Variants in PDE11A observed in about 807,000 individuals in gnomAD.
The protein encoded by PDE11A is dual 3',5'-cyclic-AMP and -GMP phosphodiesterase 11A.
Under a neutral mutation model 100.5 loss-of-function variants are expected in PDE11A, and 100 were observed. That is an observed-to-expected ratio of 1.00 (90% CI 0.85 to 1.18). The LOEUF is 1.18. Among genes scored for constraint, PDE11A ranks in the 50% most tolerant of loss-of-function variants. PDE11A has a pLI of 0.00. For synonymous variants in PDE11A, 381 were observed against 420.8 expected, an observed-to-expected ratio of 0.91 and a Z score of 1.16; for missense variants, 1,141 against 1,152.6, an observed-to-expected ratio of 0.99 and a Z score of 0.15.
chr2:178,044,094 G>A (rs1454898499), intron 1 of PDE11A, among the ~76,000 whole-genome samples: 1 of 152,020 alleles, frequency 6.6e-6, no homozygotes, highest in Non-Finnish European at 1.5e-5. Flanking sequence ...TCAACACCAG[G>A]TCTTTTTATT....
chr2:177,945,468 C>T lies in PDE11A; in HGVS notation c.1072-40281G>A, dbSNP rs544695736. Reference sequence around the variant, plus strand: ...TGAGATGTGGGGAGTGCCTCTGCCCCGCCGCCCCATCTGGGATGTGAGGAG... The same window carrying T: ...TGAGATGTGGGGAGTGCCTCTGCCCTGCCGCCCCATCTGGGATGTGAGGAG... On this transcript the variant is annotated intron_variant, in intron 2 of 19. Coordinates refer to ENST00000286063, the MANE Select transcript of PDE11A (RefSeq NM_016953.4). Among the ~76,000 whole-genome samples the T allele has an allele frequency of 4.6e-3, 643 of 140,726 alleles. 13 individuals carry two copies. Among genetic ancestry groups the T allele is most frequent in the African/African-American group, 0.015 (597 of 38,656 alleles). The allele number at this position is 140,726 out of a possible 152,430, so 92.3% of individuals were successfully genotyped here. A position where few individuals can be genotyped will look rare whatever the true frequency, so the allele number is the denominator to read the frequency against.
intron 6 of PDE11A, among the ~76,000 whole-genome samples, chr2:177,829,411 G>T (rs985286961): frequency 2.0e-5 from 3 of 151,750 alleles, no homozygotes; most frequent in Admixed American, 6.6e-5. Flanking sequence ...ATTGTGCATG[G>T]ACTATATTTT....
In PDE11A at chr2:177,675,363, A is replaced by C. The variant is rs555397732; in HGVS notation, c.2487+92T>G. 283 of 901,854 alleles carry C rather than the reference A, an allele frequency of 3.1e-4. 1 individual carries two copies. Among genetic ancestry groups the C allele is most frequent in the Non-Finnish European group, 4.9e-4 (266 of 538,290 alleles). The allele number at this position is 901,854 out of a possible 1,614,324, so 55.9% of individuals were successfully genotyped here. A position where few individuals can be genotyped will look rare whatever the true frequency, so the allele number is the denominator to read the frequency against. On this transcript the variant is annotated intron_variant, in intron 17 of 19. Transcript: ENST00000286063. ...ACTGATGCAAATTGACTAGGGTTTC[A>C]GTGCCTGGTAGTCAGGGCTCTGGGA...
intron 5 of PDE11A, among the ~76,000 whole-genome samples, chr2:177,868,760 G>T (rs975722090): frequency 2.0e-5 from 3 of 152,106 alleles, no homozygotes; most frequent in Non-Finnish European, 2.9e-5. Flanking sequence ...AAGTTTTGAG[G>T]CCGTCACTTA....
chr2:177,677,269 A>C (rs2080790454), intron 16 of PDE11A, among the ~76,000 whole-genome samples: 1 of 152,284 alleles, frequency 6.6e-6, no homozygotes, highest in South Asian at 2.1e-4. Flanking sequence ...CAGTCTCTAT[A>C]TGTGGTAGTG....
intron 1 of PDE11A, among the ~76,000 whole-genome samples, chr2:178,058,907 T>C (rs1351058258): frequency 6.6e-6 from 1 of 152,212 alleles, no homozygotes; most frequent in East Asian, 1.9e-4. Context: ...ATTATTTATC[T>C]TGACAAAGTC....
chr2:177,761,414 T>C (rs1388313182), intron 10 of PDE11A, among the ~76,000 whole-genome samples: 3 of 152,224 alleles, frequency 2.0e-5, no homozygotes, highest in Non-Finnish European at 4.4e-5. Flanking sequence ...ATGGCGAACA[T>C]TTCAAGGAAT....
chr2:177,799,081 GT>G (rs2082747083), intron 9 of PDE11A, among the ~76,000 whole-genome samples: 1 of 152,108 alleles, frequency 6.6e-6, no homozygotes, highest in Admixed American at 6.6e-5. Flanking sequence ...TAATTTTGGT[GT>G]AATCGTGAGG....
chr2:178,029,597 A>C (rs2086519703), intron 1 of PDE11A, among the ~76,000 whole-genome samples: 1 of 152,136 alleles, frequency 6.6e-6, no homozygotes, highest in Non-Finnish European at 1.5e-5. Flanking sequence ...ATAAGGAGTT[A>C]GGGGAAAAGA....
chr2:177,866,250 C>CTGT (rs2084027892), intron 5 of PDE11A, among the ~76,000 whole-genome samples: 2 of 152,152 alleles, frequency 1.3e-5, no homozygotes, highest in South Asian at 2.1e-4. Flanking sequence ...GGGTCCAAGC[C>CTGT]TCCCCTGGAG....
At chr2:177,680,755 ACT>A in intron 16 of PDE11A, 69 bp downstream of exon 16, 1 of 816,712 alleles carries the variant, frequency 1.2e-6, no homozygotes. Flanking sequence ...TGCTCTTAGT[ACT>A]GTCAGAAAAT....
At chr2:177,950,772 G>T (rs765553776) in intron 2 of PDE11A, among the ~76,000 whole-genome samples, 1 of 152,174 alleles carries the variant, frequency 6.6e-6, no homozygotes, top group African/African-American at 2.4e-5. Flanking sequence ...TTAGCCGAGC[G>T]CCATGGCAGG....
intron 17 of PDE11A, among the ~76,000 whole-genome samples, chr2:177,672,962 G>T (rs1246531481): frequency 1.3e-5 from 2 of 152,180 alleles, no homozygotes; most frequent in Non-Finnish European, 2.9e-5. Flanking sequence ...GACAAAAATG[G>T]CTCGATTAAA....
At chr2:177,937,778 A>C (rs2085295183) in intron 2 of PDE11A, among the ~76,000 whole-genome samples, 1 of 152,202 alleles carries the variant, frequency 6.6e-6, no homozygotes, top group Non-Finnish European at 1.5e-5. Context: ...TGTATACCCC[A>C]GACAGGATGC....
chr2:177,944,853 T>TCTCCCC (rs2105776103), intron 2 of PDE11A, among the ~76,000 whole-genome samples: 1 of 141,440 alleles, frequency 7.1e-6, no homozygotes, highest in African/African-American at 2.5e-5. Flanking sequence ...TCCCTCTCCC[T>TCTCCCC]CTCCCCACGG....
intron 2 of PDE11A, among the ~76,000 whole-genome samples, chr2:177,906,641 TC>T (rs926907249): frequency 4.6e-5 from 7 of 152,158 alleles, no homozygotes; most frequent in African/African-American, 1.7e-4. Flanking sequence ...ATAAATTCCT[TC>T]CCTGGATTTT....
intron 2 of PDE11A, among the ~76,000 whole-genome samples, chr2:177,917,001 C>T (rs2084964408): frequency 7.4e-6 from 1 of 135,932 alleles, no homozygotes. Flanking sequence ...TGGTCTTGAT[C>T]TCCTGACTTC....
chr2:178,081,559 CT>C (rs2087285556), intron 2 of PDE11A, among the ~76,000 whole-genome samples: 1 of 152,204 alleles, frequency 6.6e-6, no homozygotes, highest in Non-Finnish European at 1.5e-5. Flanking sequence ...GCCTGGCTGC[CT>C]TTGCCTGCAT....
At chr2:177,798,258 T>C (rs943664153) in intron 9 of PDE11A, among the ~76,000 whole-genome samples, 2 of 152,188 alleles carry the variant, frequency 1.3e-5, no homozygotes, top group Non-Finnish European at 2.9e-5. Context: ...CCTCTATGCT[T>C]CCCCTAACAT....
Sources: allele counts gnomAD v4.1 joint callset (sites outside exome capture counted in the v4.1 genomes callset), GRCh38; gene constraint gnomAD v4.1.1; transcripts MANE v1.5; gene names NCBI Gene and HGNC (gene_info 2026-07-23, HGNC 2026-07-21).